Variants in FILIP1L observed in about 807,000 individuals in gnomAD.
The protein encoded by FILIP1L is filamin A-interacting protein 1-like.
In FILIP1L, 55 loss-of-function variants were observed where a neutral mutation model predicts 96.6. That is an observed-to-expected ratio of 0.57 (90% CI 0.46 to 0.71). The LOEUF is 0.71. FILIP1L is among the 30% of genes least tolerant of loss of function. The pLI, the probability that FILIP1L is intolerant of heterozygous loss-of-function variation, is 0.00. For synonymous variants in FILIP1L, 467 were observed against 473.9 expected, an observed-to-expected ratio of 0.99 and a Z score of 0.19; for missense variants, 1,304 against 1,321.2, an observed-to-expected ratio of 0.99 and a Z score of 0.20.
intron 4 of FILIP1L, among the ~76,000 whole-genome samples, chr3:99,867,284 GCA>G (rs1944566095): frequency 6.6e-6 from 1 of 152,114 alleles, no homozygotes; most frequent in Admixed American, 6.5e-5. Flanking sequence ...TCTGTTTGTG[GCA>G]GTTAAAGAAA....
chr3:100,027,728 C>T (rs907941785), intron 1 of FILIP1L, among the ~76,000 whole-genome samples: 4 of 152,150 alleles, frequency 2.6e-5, no homozygotes, highest in African/African-American at 9.7e-5. Flanking sequence ...AGGTAGCACA[C>T]ATTTGAACAG....
chr3:99,888,732 T>G (rs1416080835), intron 4 of FILIP1L, among the ~76,000 whole-genome samples: 1 of 152,202 alleles, frequency 6.6e-6, no homozygotes, highest in Non-Finnish European at 1.5e-5. Flanking sequence ...TTATCTTCAT[T>G]TTTCTCTCTT....
chr3:99,984,033 T>A (rs534350969), intron 1 of FILIP1L, among the ~76,000 whole-genome samples: 1 of 152,218 alleles, frequency 6.6e-6, no homozygotes, highest in East Asian at 1.9e-4. Flanking sequence ...TTAATTAGCA[T>A]GAAAAAGGAT....
intron 1 of FILIP1L, among the ~76,000 whole-genome samples, chr3:99,946,741 A>G (rs745696711): frequency 1.3e-5 from 2 of 152,206 alleles, no homozygotes; most frequent in African/African-American, 2.4e-5. Context: ...CTGAATCCAC[A>G]GTATTCTTAT....
chr3:100,071,058 GGTTT>G (rs1296196814), intron 1 of FILIP1L, among the ~76,000 whole-genome samples: 4 of 139,842 alleles, frequency 2.9e-5, no homozygotes, highest in East Asian at 2.2e-4. Context: ...AAAAGAAAGG[GGTTT>G]GTTTGTTTTT....
chr3:100,012,607 C>T (rs954571123), intron 1 of FILIP1L, among the ~76,000 whole-genome samples: 24 of 152,056 alleles, frequency 1.6e-4, no homozygotes, highest in Admixed American at 3.9e-4. Flanking sequence ...ATTCCCCCAC[C>T]GTGGGCCTAA....
chr3:99,979,393 G>C (rs1201806010), intron 1 of FILIP1L, among the ~76,000 whole-genome samples: 3 of 152,184 alleles, frequency 2.0e-5, no homozygotes, highest in Non-Finnish European at 2.9e-5. Flanking sequence ...TATCACAGTA[G>C]AATGATTCTA....
chr3:99,885,467 G>A (rs927449285), intron 4 of FILIP1L, among the ~76,000 whole-genome samples: 5 of 152,000 alleles, frequency 3.3e-5, no homozygotes, highest in Non-Finnish European at 5.9e-5. Context: ...TTTTATTGTC[G>A]TGCCCTTTTT....
At chr3:99,931,150 T>C in intron 1 of FILIP1L, 120 bp from the exon 2 acceptor site, 1 of 774,124 alleles carries the variant, frequency 1.3e-6, no homozygotes, top group Non-Finnish European at 2.1e-6. Flanking sequence ...AAAGTCAATC[T>C]TTTTGATGTC....
intron 3 of FILIP1L, among the ~76,000 whole-genome samples, chr3:99,924,668 G>A (rs889153302): frequency 2.6e-5 from 4 of 152,096 alleles, no homozygotes; most frequent in Non-Finnish European, 5.9e-5. Context: ...ACAGGCATGC[G>A]CCACCATGCC....
At chr3:99,944,190 A>G (rs1250331186) in intron 1 of FILIP1L, among the ~76,000 whole-genome samples, 1 of 152,224 alleles carries the variant, frequency 6.6e-6, no homozygotes. Flanking sequence ...AAGTATTTTA[A>G]GAGTGTGTGT....
At chr3:99,868,916 A>C (rs2107576217) in intron 4 of FILIP1L, among the ~76,000 whole-genome samples, 1 of 152,242 alleles carries the variant, frequency 6.6e-6, no homozygotes, top group East Asian at 1.9e-4. Context: ...AATTTGTTTT[A>C]GTATATTACT....
intron 4 of FILIP1L, among the ~76,000 whole-genome samples, chr3:99,919,082 ACCC>A (rs1707044747): frequency 6.6e-6 from 1 of 152,132 alleles, no homozygotes; most frequent in Admixed American, 6.5e-5. Flanking sequence ...AAAGCTTTAT[ACCC>A]ACTGTGTATT....
chr3:99,919,941 G>A (rs189685345), intron 4 of FILIP1L, among the ~76,000 whole-genome samples: 13 of 152,120 alleles, frequency 8.5e-5, no homozygotes, highest in African/African-American at 3.1e-4. Context: ...AGTCAAACTT[G>A]GACAGAAAAG....
chr3:99,884,059 AGGAGAGTGAGAATGGATCTT>A (rs1705816893), intron 4 of FILIP1L, among the ~76,000 whole-genome samples: 1 of 152,188 alleles, frequency 6.6e-6, no homozygotes, highest in Admixed American at 6.5e-5. Flanking sequence ...ACTATGGGCT[AGGAGAGTGAGAATGGATCTT>A]GGAGATTATC....
In FILIP1L at chr3:100,044,453, CCAAA is replaced by C. The variant is rs546074380; in HGVS notation, c.-11+69596_-11+69599del. The stretch of plus-strand genomic sequence containing the variant: ...GGCTCAAAGAATGAGTAGGAGTTAG[CCAAA>C]CAGAGTATACAAGAGCATCACAGGC... On this transcript the variant is annotated intron_variant, in intron 1 of 5. Coordinates refer to ENST00000477258, the MANE Select transcript of FILIP1L (RefSeq NM_001387850.1). Among the ~76,000 whole-genome samples, 11 of 152,156 alleles carry C rather than the reference CCAAA, an allele frequency of 7.2e-5. No homozygotes were observed. The South Asian group carries it at 1.9e-3, about 26-fold the overall frequency.
intron 4 of FILIP1L, among the ~76,000 whole-genome samples, chr3:99,911,533 C>G (rs1706787673): frequency 6.6e-6 from 1 of 151,918 alleles, no homozygotes; most frequent in East Asian, 1.9e-4. Context: ...CATACAGGGT[C>G]TGTATGCCCT....
chr3:100,064,550 C>G (rs933251240), intron 1 of FILIP1L, among the ~76,000 whole-genome samples: 7 of 152,168 alleles, frequency 4.6e-5, no homozygotes, highest in African/African-American at 9.7e-5. Flanking sequence ...ATGCCACCCA[C>G]TATTATATGT....
chr3:99,879,112 G>A (rs1177556168), intron 4 of FILIP1L, among the ~76,000 whole-genome samples: 3 of 152,082 alleles, frequency 2.0e-5, no homozygotes, highest in African/African-American at 7.2e-5. Context: ...TAGACACCAA[G>A]GTCCTTTCTA....
Sources: gnomAD v4.1 joint callset for allele counts (sites outside exome capture counted in the v4.1 genomes callset) on GRCh38, gnomAD v4.1.1 for gene constraint, MANE v1.5 for transcripts, NCBI Gene and HGNC (gene_info 2026-07-23, HGNC 2026-07-21) for gene names.